The following GPC6 variants were observed in gnomAD, a reference collection of about 807,000 sequenced individuals.
The protein encoded by GPC6 is glypican-6.
In GPC6, 14 loss-of-function variants were observed where a neutral mutation model predicts 55.2. The observed-to-expected ratio is 0.25, with a 90% CI of 0.17 to 0.40. The LOEUF (loss-of-function observed/expected upper bound fraction) is 0.40. GPC6 is among the 10% of genes least tolerant of loss of function. The probability of loss-of-function intolerance (pLI) is 1.00; values close to 1 mark genes in which losing one functional copy is unlikely to be tolerated. For missense variants in GPC6, 641 were observed against 708.5 expected (o/e 0.90, Z 1.08); for synonymous variants, 278 against 259.6 (o/e 1.07, Z -0.68).
intron 4 of GPC6, among the ~76,000 whole-genome samples, chr13:94,257,600 G>A (rs754696918): frequency 5.3e-5 from 8 of 152,128 alleles, no homozygotes; most frequent in Middle Eastern, 3.2e-3. Flanking sequence ...ACCACCCTGA[G>A]AAATAGACCA....
At chr13:93,818,381 T>G (rs1594483845) in intron 2 of GPC6, 1 of 152,222 alleles carries the variant, frequency 6.6e-6, no homozygotes, top group East Asian at 1.9e-4. Context: ...TTCACAAAAT[T>G]TTTATATATA....
intron 2 of GPC6, among the ~76,000 whole-genome samples, chr13:93,566,138 A>C (rs1362605055): frequency 6.6e-6 from 1 of 152,152 alleles, no homozygotes; most frequent in East Asian, 1.9e-4. Context: ...GAGATTGGAG[A>C]AATGAAGAGG....
chr13:93,726,383 T>C (rs999405124), intron 2 of GPC6, among the ~76,000 whole-genome samples: 5 of 152,124 alleles, frequency 3.3e-5, no homozygotes, highest in African/African-American at 1.2e-4. Flanking sequence ...TGAAACTCCC[T>C]GGCCAATAAC....
chr13:93,539,401 A>C (rs1882195778), intron 1 of GPC6, among the ~76,000 whole-genome samples: 1 of 152,130 alleles, frequency 6.6e-6, no homozygotes. Context: ...TTTAGTTATA[A>C]TTTATTGCAA....
intron 3 of GPC6, among the ~76,000 whole-genome samples, chr13:93,983,816 G>A (rs1880910094): frequency 6.7e-6 from 1 of 149,918 alleles, no homozygotes; most frequent in African/African-American, 2.5e-5. Flanking sequence ...CACTAACAAG[G>A]AAGATAGTCC....
intron 4 of GPC6, among the ~76,000 whole-genome samples, chr13:94,104,575 G>A (rs964157953): frequency 9.2e-5 from 14 of 152,118 alleles, no homozygotes; most frequent in African/African-American, 1.9e-4. Context: ...AAACCCCATC[G>A]TCTCAGCCCA....
At chr13:93,929,862 A>G (rs1566608421) in intron 3 of GPC6, among the ~76,000 whole-genome samples, 1 of 152,006 alleles carries the variant, frequency 6.6e-6, no homozygotes. Context: ...AAGGAAGAAA[A>G]GAAAAGAAGA....
At chr13:93,232,014 T>G (rs1876078742) in intron 1 of GPC6, among the ~76,000 whole-genome samples, 1 of 152,150 alleles carries the variant, frequency 6.6e-6, no homozygotes, top group African/African-American at 2.4e-5. Context: ...CTTTGCCCAG[T>G]GGGCGTTTCC....
At chr13:94,373,386 A>G (rs1455550046) in intron 6 of GPC6, among the ~76,000 whole-genome samples, 1 of 152,132 alleles carries the variant, frequency 6.6e-6, no homozygotes, top group Non-Finnish European at 1.5e-5. Flanking sequence ...GATGGAGCTG[A>G]AAACCAAGGC....
At chr13:93,399,729 G>T (rs1876000524) in intron 1 of GPC6, among the ~76,000 whole-genome samples, 1 of 152,168 alleles carries the variant, frequency 6.6e-6, no homozygotes, top group Non-Finnish European at 1.5e-5. Flanking sequence ...GTGTGCCAGT[G>T]CCCCTCAAGG....
chr13:94,218,284 G>C (rs765283162), intron 4 of GPC6, among the ~76,000 whole-genome samples: 1 of 152,164 alleles, frequency 6.6e-6, no homozygotes, highest in Admixed American at 6.5e-5. Context: ...TAAAAGATGG[G>C]TAGTTGGTTC....
At chr13:93,666,120 C>G (rs1881122392) in intron 2 of GPC6, among the ~76,000 whole-genome samples, 1 of 152,114 alleles carries the variant, frequency 6.6e-6, no homozygotes, top group Non-Finnish European at 1.5e-5. Flanking sequence ...GCTTTCCTTA[C>G]TGAATACATG....
intron 3 of GPC6, among the ~76,000 whole-genome samples, chr13:93,896,267 C>T (rs1391940203): frequency 1.3e-5 from 2 of 151,960 alleles, no homozygotes; most frequent in African/African-American, 4.8e-5. Context: ...ACATTTTCCC[C>T]TCAATAGACA....
chr13:93,316,544 T>C (rs917894714), intron 1 of GPC6, among the ~76,000 whole-genome samples: 4 of 152,004 alleles, frequency 2.6e-5, no homozygotes, highest in African/African-American at 9.7e-5. Context: ...AGGGAAAAAA[T>C]GATGAGAGTG....
intron 2 of GPC6, among the ~76,000 whole-genome samples, chr13:93,808,438 A>T (rs1474900563): frequency 6.6e-6 from 1 of 151,996 alleles, no homozygotes; most frequent in Non-Finnish European, 1.5e-5. Context: ...GTACATAATA[A>T]CTCCTCTCTC....
At chr13:93,238,594 AG>A (rs935864343) in intron 1 of GPC6, among the ~76,000 whole-genome samples, 6 of 152,074 alleles carry the variant, frequency 3.9e-5, no homozygotes, top group African/African-American at 1.4e-4. Context: ...TGCTCTGGCT[AG>A]GACTTCCAGT....
intron 2 of GPC6, among the ~76,000 whole-genome samples, chr13:93,581,369 C>T (rs1404023309): frequency 1.3e-5 from 2 of 152,004 alleles, no homozygotes; most frequent in Admixed American, 6.6e-5. Flanking sequence ...AATTAGAGCC[C>T]CAAATAATTT....
chr13:94,193,893 A>G (rs1310767484), intron 4 of GPC6, among the ~76,000 whole-genome samples: 1 of 152,168 alleles, frequency 6.6e-6, no homozygotes. Flanking sequence ...GTGGGCTTTC[A>G]CATTAATTCT....
intron 1 of GPC6, among the ~76,000 whole-genome samples, chr13:93,433,593 A>G (rs1043304834): frequency 6.6e-6 from 1 of 152,156 alleles, no homozygotes; most frequent in African/African-American, 2.4e-5. Context: ...ATGTGGGACT[A>G]CACGTGTAGA....
Sources: gnomAD v4.1 joint callset for allele counts (sites outside exome capture counted in the v4.1 genomes callset) on GRCh38, gnomAD v4.1.1 for gene constraint, MANE v1.5 for transcripts, NCBI Gene and HGNC (gene_info 2026-07-23, HGNC 2026-07-21) for gene names.